The following SAMD5 variants were observed in gnomAD, a reference collection of about 807,000 sequenced individuals.
The protein encoded by SAMD5 is sterile alpha motif domain-containing protein 5.
A neutral mutation model predicts 11.3 loss-of-function variants in SAMD5; 13 were observed. The observed-to-expected ratio is 1.15, with a 90% CI of 0.75 to 1.83. The LOEUF is 1.83. SAMD5 is among the 40% of genes most tolerant of loss of function. The pLI, the probability that SAMD5 is intolerant of heterozygous loss-of-function variation, is 0.00. For missense variants in SAMD5, 255 were observed against 239.1 expected, an observed-to-expected ratio of 1.07 and a Z score of -0.44; for synonymous variants, 129 against 111.3, an observed-to-expected ratio of 1.16 and a Z score of -1.00.
At chr6:147,687,829 T>C (rs1164810525) in intron 1 of SAMD5, among the ~76,000 whole-genome samples, 4 of 152,196 alleles carry the variant, frequency 2.6e-5, no homozygotes, top group African/African-American at 9.7e-5. Context: ...TATTGCAGCT[T>C]ATTTGAGGGT....
At chr6:147,623,762 G>C (rs1046516282) in intron 1 of SAMD5, among the ~76,000 whole-genome samples, 4 of 152,224 alleles carry the variant, frequency 2.6e-5, no homozygotes, top group Non-Finnish European at 5.9e-5. Flanking sequence ...GAGCACATTA[G>C]AGAAATGAAG....
rs559243340 is a variant in SAMD5 at position 147,673,314 on chromosome 6, C to T, written c.163-64003C>T. Among the ~76,000 whole-genome samples the T allele has an allele frequency of 8.6e-4, 131 of 152,018 alleles. 2 individuals carry two copies. In the South Asian group the frequency reaches 0.02, roughly 23 times the overall value. ...CTGCAAGCTCCGCCTCCTGGGTTCACGCCATTCTCCTGCCTCAGCCTCCTG... is the reference window on the plus strand; with the variant it reads ...CTGCAAGCTCCGCCTCCTGGGTTCATGCCATTCTCCTGCCTCAGCCTCCTG... On this transcript the variant is annotated intron_variant, in intron 1 of 1. Coordinates refer to the SAMD5 transcript ENST00000566741.
At chr6:147,792,769 C>A in the SAMD5 span, among the ~76,000 whole-genome samples, 2 of 152,048 alleles carry the variant, frequency 1.3e-5, no homozygotes, top group Non-Finnish European at 2.9e-5. Context: ...CAACAAAAAC[C>A]AACAACAATG....
chr6:147,865,432 C>G, the SAMD5 span, among the ~76,000 whole-genome samples: 1 of 152,006 alleles, frequency 6.6e-6, no homozygotes, highest in African/African-American at 2.4e-5. Context: ...GGCCCCGGAT[C>G]AGGCCACCTG....
At chr6:147,727,501 G>T (rs1358584) in intron 1 of SAMD5, among the ~76,000 whole-genome samples, 1 of 151,896 alleles carries the variant, frequency 6.6e-6, no homozygotes, top group African/African-American at 2.4e-5. Flanking sequence ...CTTATTCTTC[G>T]TTTTTTTCAG....
At chr6:147,525,563 G>A (rs868044172) in intron 1 of SAMD5, among the ~76,000 whole-genome samples, 2 of 151,846 alleles carry the variant, frequency 1.3e-5, no homozygotes, top group Admixed American at 6.6e-5. Flanking sequence ...AACTTTTCCC[G>A]CTTGTGACTT....
chr6:147,735,930 T>G (rs773920087), intron 1 of SAMD5, among the ~76,000 whole-genome samples: 1 of 152,190 alleles, frequency 6.6e-6, no homozygotes, highest in Non-Finnish European at 1.5e-5. Flanking sequence ...TCTTTCTCAG[T>G]GCAACCTTGA....
In SAMD5 at chr6:147,568,546, C is replaced by A. The variant is rs747307522; in HGVS notation, c.*4090C>A. The stretch of plus-strand genomic sequence containing the variant: ...AGAAATAAGTGAAAGTCTGACCCTA[C>A]ATTGCCAATTCTCAGACCAAGTACA... On this transcript the variant is annotated 3_prime_UTR_variant, in exon 2 of 2. Coordinates refer to ENST00000367474, the MANE Select transcript of SAMD5 (RefSeq NM_001030060.3). 66 of 985,236 alleles carry A rather than the reference C, an allele frequency of 6.7e-5. No homozygotes were observed. The highest frequency in any genetic ancestry group is 7.7e-5 in the Non-Finnish European group (64 of 829,884). 61.0% of individuals were successfully genotyped at this position (985,236 alleles called of 1,614,324 possible). A position where few individuals can be genotyped will look rare whatever the true frequency, so the allele number is the denominator to read the frequency against.
At chr6:147,813,366 G>C in the SAMD5 span, among the ~76,000 whole-genome samples, 1 of 152,182 alleles carries the variant, frequency 6.6e-6, no homozygotes, top group Non-Finnish European at 1.5e-5. Flanking sequence ...TACCCAGACT[G>C]GTTGATTGCT....
the SAMD5 span, among the ~76,000 whole-genome samples, chr6:147,836,505 C>T: frequency 1.1e-4 from 16 of 152,148 alleles, no homozygotes; most frequent in African/African-American, 3.6e-4. Context: ...AGAACACTTA[C>T]ATTAGCCTAC....
At chr6:147,610,956 G>A (rs1352312570) in intron 1 of SAMD5, among the ~76,000 whole-genome samples, 1 of 148,872 alleles carries the variant, frequency 6.7e-6, no homozygotes, top group Non-Finnish European at 1.5e-5. Flanking sequence ...TGCAACCTCC[G>A]CCTCCCGAGT....
chr6:147,813,581 C>G, the SAMD5 span, among the ~76,000 whole-genome samples: 2 of 152,196 alleles, frequency 1.3e-5, no homozygotes, highest in Admixed American at 6.5e-5. Flanking sequence ...CAGATGTTTA[C>G]TCAGTTATAC....
intron 1 of SAMD5, among the ~76,000 whole-genome samples, chr6:147,709,726 G>T (rs1791370952): frequency 6.6e-6 from 1 of 152,178 alleles, no homozygotes; most frequent in Non-Finnish European, 1.5e-5. Flanking sequence ...AAGCTTATTT[G>T]ATTAGCTCAA....
At chr6:147,725,751 T>G (rs948651989) in intron 1 of SAMD5, among the ~76,000 whole-genome samples, 1 of 152,142 alleles carries the variant, frequency 6.6e-6, no homozygotes, top group African/African-American at 2.4e-5. Context: ...CATTGCCTGC[T>G]TCCTGGGAAT....
intron 1 of SAMD5, among the ~76,000 whole-genome samples, chr6:147,594,320 G>A (rs1789498328): frequency 6.6e-6 from 1 of 152,106 alleles, no homozygotes. Context: ...AGAGCAGAAC[G>A]TGGAGAATGA....
rs971570370 is a variant in SAMD5, at chr6:147,711,687, T to C, written c.163-25630T>C. On this transcript the variant is annotated intron_variant, in intron 1 of 1. Coordinates refer to the SAMD5 transcript ENST00000566741. This position sits in a 1 kb window ranked among gnomAD's most constrained non-coding sequence, Gnocchi z 4.1. ...TTCAAAGGGGTCATTGCTGAATTTG[T>C]AATCAGATTGTAATGAATTTCAGCT... 6.6e-6 allele frequency among the ~76,000 whole-genome samples: 1 copy of C among 152,224 alleles called. No homozygotes were observed. Among genetic ancestry groups the C allele is most frequent in the African/African-American group, 2.4e-5 (1 of 41,458 alleles).
the SAMD5 span, among the ~76,000 whole-genome samples, chr6:147,801,081 G>A: frequency 6.6e-6 from 1 of 152,180 alleles, no homozygotes; most frequent in Admixed American, 6.5e-5. Context: ...AAAGAAGTTT[G>A]CTCTCCACAT....
At chr6:147,774,049 C>T in the SAMD5 span, among the ~76,000 whole-genome samples, 1 of 152,104 alleles carries the variant, frequency 6.6e-6, no homozygotes, top group African/African-American at 2.4e-5. Context: ...ACCATGTGGC[C>T]CAGACTGACC....
At chr6:147,919,724 TG>T in the SAMD5 span, among the ~76,000 whole-genome samples, 1 of 152,240 alleles carries the variant, frequency 6.6e-6, no homozygotes, top group Admixed American at 6.5e-5. Context: ...CTTTTAAAGT[TG>T]GTTCATGTTT....
Sources: allele counts gnomAD v4.1 joint callset (sites outside exome capture counted in the v4.1 genomes callset), GRCh38; gene constraint gnomAD v4.1.1; non-coding constraint Gnocchi (gnomAD v3.1); transcripts MANE v1.5; gene names NCBI Gene and HGNC (gene_info 2026-07-23, HGNC 2026-07-21).